Variants in PCBP3 observed in about 807,000 individuals in gnomAD.
PCBP3 encodes the protein poly(rC) binding protein 3.
PCBP3 carries 25 observed loss-of-function variants against 52.7 expected under a neutral mutation model. The ratio of observed to expected loss-of-function variants is 0.47; its 90% CI spans 0.35 to 0.66. PCBP3 has a LOEUF of 0.66. Among genes scored for constraint, PCBP3 ranks in the 30% least tolerant of loss-of-function variants. PCBP3 has a pLI of 0.01. For synonymous variants in PCBP3, 162 were observed against 183.0 expected, an observed-to-expected ratio of 0.89 and a Z score of 0.93; for missense variants, 391 against 490.3, an observed-to-expected ratio of 0.80 and a Z score of 1.91.
At chr21:45,892,470 TGG>T (rs547143010) in intron 5 of PCBP3, among the ~76,000 whole-genome samples, 2 of 79,714 alleles carry the variant, frequency 2.5e-5, no homozygotes, top group Non-Finnish European at 5.0e-5. Flanking sequence ...TGACGGGGCG[TGG>T]GGGGGGGGGC....
chr21:45,900,497 C>T (rs1464227377), intron 7 of PCBP3, 94 bp from the exon 8 acceptor site: 35 of 908,030 alleles, frequency 3.9e-5, no homozygotes, highest in South Asian at 2.9e-4. Flanking sequence ...GCTGTGTGGG[C>T]GTATGGGCCA....
intron 1 of PCBP3, among the ~76,000 whole-genome samples, chr21:45,649,155 A>G (rs886338779): frequency 3.9e-5 from 6 of 152,244 alleles, no homozygotes; most frequent in African/African-American, 1.4e-4. Flanking sequence ...GCGGAAGTTG[A>G]AAGGTACATC....
At chr21:45,674,400 A>G (rs552716093) in intron 2 of PCBP3, among the ~76,000 whole-genome samples, 1 of 152,222 alleles carries the variant, frequency 6.6e-6, no homozygotes, top group East Asian at 1.9e-4. Flanking sequence ...GCAGAGATCT[A>G]CCTGTTTGCA....
chr21:45,790,960 T>C (rs1377022052), intron 4 of PCBP3, among the ~76,000 whole-genome samples: 1 of 152,022 alleles, frequency 6.6e-6, no homozygotes, highest in Non-Finnish European at 1.5e-5. Context: ...GAAGAAACAG[T>C]AGGTTGTTTC....
chr21:45,755,523 G>A (rs927776966), intron 4 of PCBP3, among the ~76,000 whole-genome samples, 71 bp downstream of exon 4: 8 of 152,212 alleles, frequency 5.3e-5, no homozygotes, highest in African/African-American at 1.9e-4. Context: ...ACCAGTCAGT[G>A]TACATTCCCA....
At chr21:45,655,188 AAT>A (rs1429188413) in intron 1 of PCBP3, among the ~76,000 whole-genome samples, 2 of 152,042 alleles carry the variant, frequency 1.3e-5, no homozygotes, top group Non-Finnish European at 1.5e-5. Flanking sequence ...TTTTCATATG[AAT>A]ATATGTTTTC....
intron 2 of PCBP3, among the ~76,000 whole-genome samples, chr21:45,682,540 A>T (rs1342417332): frequency 6.6e-6 from 1 of 152,198 alleles, no homozygotes; most frequent in Admixed American, 6.5e-5. Context: ...TAATGGTGGC[A>T]TATGGCCATA....
intron 2 of PCBP3, among the ~76,000 whole-genome samples, chr21:45,717,341 A>G (rs1010621031): frequency 1.3e-5 from 2 of 152,006 alleles, no homozygotes; most frequent in African/African-American, 4.8e-5. Flanking sequence ...TTCTTGCCTA[A>G]TTGTCCTGGC....
chr21:45,936,370 G>A (rs907313826), intron 16 of PCBP3, among the ~76,000 whole-genome samples: 11 of 152,176 alleles, frequency 7.2e-5, no homozygotes, highest in South Asian at 2.1e-4. Context: ...CTTCTATCCC[G>A]GTTGCTGGTC....
At chr21:45,815,207 GATGA>G (rs761715547) in intron 4 of PCBP3, among the ~76,000 whole-genome samples, 1 of 50,394 alleles carries the variant, frequency 2.0e-5, no homozygotes, top group African/African-American at 9.7e-5. Flanking sequence ...GTGAGTGAGT[GATGA>G]GTGAGTGGTG....
intron 4 of PCBP3, among the ~76,000 whole-genome samples, chr21:45,775,196 T>G (rs1195231797): frequency 6.6e-6 from 1 of 152,212 alleles, no homozygotes; most frequent in African/African-American, 2.4e-5. Flanking sequence ...TATTCCTTAT[T>G]AGTCTGTTCA....
intron 4 of PCBP3, among the ~76,000 whole-genome samples, chr21:45,819,444 G>A (rs1569267476): frequency 6.6e-6 from 1 of 152,210 alleles, no homozygotes; most frequent in Non-Finnish European, 1.5e-5. Flanking sequence ...TTTACAGACG[G>A]GATGAAGGGC....
intron 4 of PCBP3, among the ~76,000 whole-genome samples, chr21:45,772,887 A>G (rs1241315063): frequency 6.6e-6 from 1 of 152,054 alleles, no homozygotes; most frequent in African/African-American, 2.4e-5. Context: ...TCTTTTAAGA[A>G]ATGTCTATTA....
At chr21:45,934,173 A>G (rs2149542462) in intron 15 of PCBP3, among the ~76,000 whole-genome samples, 2 of 152,162 alleles carry the variant, frequency 1.3e-5, no homozygotes, top group East Asian at 3.9e-4. Context: ...TGCGATGGTT[A>G]GGAGGGGTGG....
intron 3 of PCBP3, among the ~76,000 whole-genome samples, chr21:45,745,225 G>A (rs1485617736): frequency 1.3e-5 from 2 of 152,320 alleles, no homozygotes; most frequent in East Asian, 3.9e-4. Context: ...GAGGCTTTTG[G>A]AATCCTGGCT....
chr21:45,792,092 C>CCTT (rs1400754906), intron 4 of PCBP3, among the ~76,000 whole-genome samples: 1 of 152,300 alleles, frequency 6.6e-6, no homozygotes, highest in Non-Finnish European at 1.5e-5. Context: ...GCAGGGCCAC[C>CCTT]CTTCGCAGGG....
chr21:45,776,741 T>A (rs543542836), intron 4 of PCBP3, among the ~76,000 whole-genome samples: 9 of 152,174 alleles, frequency 5.9e-5, no homozygotes, highest in Non-Finnish European at 1.2e-4. Flanking sequence ...TTAATTTCGG[T>A]TCATATGTGT....
At chr21:45,822,304 C>T (rs571499581) in intron 4 of PCBP3, among the ~76,000 whole-genome samples, 5 of 152,322 alleles carry the variant, frequency 3.3e-5, no homozygotes, top group Non-Finnish European at 5.9e-5. Context: ...TCTTTAGCTC[C>T]TCTTTTGCCT....
At chr21:45,814,410 AGTGAGTG>A (rs1234666541) in intron 4 of PCBP3, among the ~76,000 whole-genome samples, 53 of 140,440 alleles carry the variant, frequency 3.8e-4, no homozygotes, top group African/African-American at 1.3e-3. Flanking sequence ...GTAAGTGGTG[AGTGAGTG>A]GTGAGTGGTG....
Sources: allele counts gnomAD v4.1 joint callset (sites outside exome capture counted in the v4.1 genomes callset), GRCh38; gene constraint gnomAD v4.1.1; transcripts MANE v1.5; gene names NCBI Gene and HGNC (gene_info 2026-07-23, HGNC 2026-07-21).